GPC6: variants seen among roughly 807,000 people sequenced by gnomAD.
GPC6 encodes glypican 6.
A neutral mutation model predicts 55.2 loss-of-function variants in GPC6; 14 were observed. The ratio of observed to expected loss-of-function variants is 0.25; its 90% CI spans 0.17 to 0.40. The LOEUF is 0.40. GPC6 is among the 10% of genes least tolerant of loss of function. The pLI, the probability that GPC6 is intolerant of heterozygous loss-of-function variation, is 1.00. For synonymous variants in GPC6, 278 were observed against 259.6 expected, an observed-to-expected ratio of 1.07 and a Z score of -0.68; for missense variants, 641 against 708.5, an observed-to-expected ratio of 0.90 and a Z score of 1.08.
At chr13:93,309,999 A>C (rs1476945395) in intron 1 of GPC6, among the ~76,000 whole-genome samples, 1 of 152,202 alleles carries the variant, frequency 6.6e-6, no homozygotes. Context: ...TTTGTGAATG[A>C]ACTAGTTGTG....
intron 2 of GPC6, among the ~76,000 whole-genome samples, chr13:93,550,583 A>G (rs1875093542): frequency 6.6e-6 from 1 of 152,136 alleles, no homozygotes; most frequent in Non-Finnish European, 1.5e-5. Context: ...CAATGACATA[A>G]TATTTTTACA....
intron 4 of GPC6, among the ~76,000 whole-genome samples, chr13:94,226,039 C>A (rs183618267): frequency 3.8e-4 from 58 of 152,226 alleles, no homozygotes; most frequent in Non-Finnish European, 6.8e-4. Flanking sequence ...AGCCCTCCTG[C>A]TAACCATCAT....
At chr13:93,271,282 A>T (rs1246445418) in intron 1 of GPC6, among the ~76,000 whole-genome samples, 1 of 152,180 alleles carries the variant, frequency 6.6e-6, no homozygotes, top group Admixed American at 6.5e-5. Flanking sequence ...ATTTTAACTC[A>T]ACTACGTTAC....
intron 3 of GPC6, among the ~76,000 whole-genome samples, chr13:93,897,514 A>T (rs1201883305): frequency 6.6e-6 from 1 of 152,176 alleles, no homozygotes; most frequent in African/African-American, 2.4e-5. Context: ...ACAAAAATTT[A>T]AAATGTAACT....
chr13:94,289,995 T>C (rs559193420), intron 5 of GPC6, among the ~76,000 whole-genome samples: 30 of 152,302 alleles, frequency 2.0e-4, no homozygotes, highest in African/African-American at 7.0e-4. Context: ...ACAAACAGGA[T>C]TTGCCTTTCC....
intron 1 of GPC6, among the ~76,000 whole-genome samples, chr13:93,293,600 C>A (rs933403587): frequency 6.6e-6 from 1 of 152,078 alleles, no homozygotes; most frequent in Non-Finnish European, 1.5e-5. Context: ...CCACTTTTCC[C>A]CTGGATGGGT....
At chr13:93,219,452 A>T in the GPC6 span, among the ~76,000 whole-genome samples, 1 of 152,320 alleles carries the variant, frequency 6.6e-6, no homozygotes, top group South Asian at 2.1e-4. Flanking sequence ...ACTGGGATGT[A>T]TGTGACTATA....
At chr13:93,786,437 A>G (rs1190978502) in intron 2 of GPC6, among the ~76,000 whole-genome samples, 3 of 152,196 alleles carry the variant, frequency 2.0e-5, no homozygotes, top group African/African-American at 4.8e-5. Context: ...AAGTATAAAA[A>G]TAACATATTG....
intron 4 of GPC6, among the ~76,000 whole-genome samples, chr13:94,283,532 G>A (rs1594130175): frequency 6.6e-6 from 1 of 152,358 alleles, no homozygotes; most frequent in East Asian, 1.9e-4. Context: ...CTTTGGTTGG[G>A]CACCTGTGGT....
chr13:93,373,925 A>G (rs911570452), intron 1 of GPC6, among the ~76,000 whole-genome samples: 2 of 152,224 alleles, frequency 1.3e-5, no homozygotes, highest in Non-Finnish European at 2.9e-5. Context: ...AGTACTTTGC[A>G]GTTACATTAC....
At chr13:93,696,649 T>G (rs1191127056) in intron 2 of GPC6, among the ~76,000 whole-genome samples, 1 of 149,978 alleles carries the variant, frequency 6.7e-6, no homozygotes, top group Non-Finnish European at 1.5e-5. Flanking sequence ...AGTCTCCCTC[T>G]TTTGCTCTTT....
chr13:93,939,425 A>AATAACAATAATG, intron 3 of GPC6, among the ~76,000 whole-genome samples: 1 of 149,764 alleles, frequency 6.7e-6, no homozygotes, highest in Admixed American at 6.7e-5. Flanking sequence ...CTCAAATAAT[A>AATAACAATAATG]ATAATAATAA....
chr13:94,342,849 G>T (rs1321539490), intron 6 of GPC6, among the ~76,000 whole-genome samples: 2 of 152,038 alleles, frequency 1.3e-5, no homozygotes, highest in East Asian at 3.9e-4. Context: ...TGTCTCGCCA[G>T]CTCCCCGTTC....
At chr13:93,596,621 A>G (rs1877748498) in intron 2 of GPC6, among the ~76,000 whole-genome samples, 1 of 147,244 alleles carries the variant, frequency 6.8e-6, no homozygotes, top group Non-Finnish European at 1.5e-5. Flanking sequence ...ATATATATAT[A>G]TATATATATA....
chr13:94,046,541 G>A (rs1311915979), intron 4 of GPC6, among the ~76,000 whole-genome samples: 3 of 152,030 alleles, frequency 2.0e-5, no homozygotes, highest in Admixed American at 6.6e-5. Flanking sequence ...CAACTAATCT[G>A]ACTAAATGTA....
At chr13:93,922,776 C>G (rs533551075) in intron 3 of GPC6, among the ~76,000 whole-genome samples, 1 of 152,202 alleles carries the variant, frequency 6.6e-6, no homozygotes, top group Non-Finnish European at 1.5e-5. Context: ...TTTAGGTTCT[C>G]ATTCCAAAAC....
In GPC6 at chr13:94,132,414, G is replaced by A. The variant is rs76015849; in HGVS notation, c.877+104520G>A. On this transcript the variant is annotated intron_variant, in intron 4 of 8. Coordinates refer to ENST00000377047, the MANE Select transcript of GPC6 (RefSeq NM_005708.5). ...ATGTATGCAAGTCTTGAAAATCCTC[G>A]TTATTGGGACCCTTCTGACCCCTGA... is the stretch of plus-strand genomic sequence containing the variant. Among the ~76,000 whole-genome samples the A allele has an allele frequency of 9.7e-3, 1,472 of 152,174 alleles. 13 individuals carry two copies. The highest frequency in any genetic ancestry group is 0.015 in the Non-Finnish European group (1,051 of 68,000).
chr13:94,227,689 C>A (rs771523485), intron 4 of GPC6, among the ~76,000 whole-genome samples: 1 of 152,144 alleles, frequency 6.6e-6, no homozygotes, highest in Non-Finnish European at 1.5e-5. Flanking sequence ...TAACAAACAA[C>A]CCCGAGATCT....
At chr13:93,678,702 C>T (rs1881739008) in intron 2 of GPC6, among the ~76,000 whole-genome samples, 1 of 152,156 alleles carries the variant, frequency 6.6e-6, no homozygotes, top group Non-Finnish European at 1.5e-5. Flanking sequence ...AAATTCTACC[C>T]TATAGCTGCC....
Sources: allele counts gnomAD v4.1 joint callset (sites outside exome capture counted in the v4.1 genomes callset), GRCh38; gene constraint gnomAD v4.1.1; transcripts MANE v1.5; gene names NCBI Gene and HGNC (gene_info 2026-07-23, HGNC 2026-07-21).